Variants in TRHDE observed in about 807,000 individuals in gnomAD.
TRHDE encodes the protein thyrotropin-releasing hormone-degrading ectoenzyme.
TRHDE carries 72 observed loss-of-function variants against 125.7 expected under a neutral mutation model. That is an observed-to-expected ratio of 0.57 (90% CI 0.47 to 0.70). The LOEUF is 0.70. Ranked by LOEUF, TRHDE falls within the 30% of genes least tolerant of loss-of-function variation. The pLI, the probability that TRHDE is intolerant of heterozygous loss-of-function variation, is 0.00. For synonymous variants in TRHDE, 509 were observed against 509.1 expected (o/e 1.00, Z 0.00); for missense variants, 1,110 against 1,327.1 (o/e 0.84, Z 2.54).
At chr12:72,197,450 A>G (rs1877467353) in intron 2 of TRHDE, among the ~76,000 whole-genome samples, 1 of 152,134 alleles carries the variant, frequency 6.6e-6, no homozygotes, top group Non-Finnish European at 1.5e-5. Flanking sequence ...TTTTATGGCT[A>G]TACTTCTTGT....
intron 3 of TRHDE, among the ~76,000 whole-genome samples, chr12:72,407,025 T>G (rs1873294825): frequency 6.6e-6 from 1 of 152,194 alleles, no homozygotes; most frequent in Admixed American, 6.5e-5. Flanking sequence ...AGTCTTGTAC[T>G]CTTCAGCGTG....
intron 6 of TRHDE, among the ~76,000 whole-genome samples, chr12:72,503,610 G>A (rs1178926940): frequency 2.6e-5 from 4 of 152,160 alleles, no homozygotes; most frequent in Non-Finnish European, 4.4e-5. Context: ...GGGTAAATTT[G>A]ATATGTAGTA....
Position 72,378,042 on chromosome 12 carries a change from C to G in TRHDE, c.1236C>G (p.Asp412Glu). The G allele has an allele frequency of 6.2e-7, 1 of 1,606,592 alleles. No homozygotes were observed. The highest frequency in any genetic ancestry group is 8.5e-7 in the Non-Finnish European group (1 of 1,175,490). ...ATGCTATCAGAAGAGGATCCGGGGA[C>G]TATGCTCTCCATATAACAAAGAGAT... The part of the protein sequence containing the change: ...RPDAIRRGSG[D>E]YALHITKRLI... Residue 412 changes from aspartate (D) to glutamate (E), a missense_variant, in exon 3 of 19, where the codon GAC becomes GAG. Asp to Glu is a conservative substitution (Grantham distance 45). Around this residue, in one of 5 missense-constraint regions of TRHDE, gnomAD observed 252 missense variants for 274.8 expected, o/e 0.92. Coordinates refer to ENST00000261180, the MANE Select transcript of TRHDE (RefSeq NM_013381.3).
intron 2 of TRHDE, among the ~76,000 whole-genome samples, chr12:72,317,791 A>G (rs904889928): frequency 6.6e-6 from 1 of 152,166 alleles, no homozygotes; most frequent in African/African-American, 2.4e-5. Flanking sequence ...TGGAATGGGC[A>G]GGGAACATTC....
intron 2 of TRHDE, among the ~76,000 whole-genome samples, chr12:72,348,930 T>G (rs1870455009): frequency 6.6e-6 from 1 of 152,040 alleles, no homozygotes; most frequent in African/African-American, 2.4e-5. Context: ...CAGTAAGATA[T>G]GGTATATGGT....
At chr12:72,247,973 T>C (rs1345237250) in intron 2 of TRHDE, among the ~76,000 whole-genome samples, 4 of 152,296 alleles carry the variant, frequency 2.6e-5, no homozygotes, top group African/African-American at 7.2e-5. Context: ...ATATCTATCA[T>C]TGATCTATTA....
At chr12:72,100,177 C>T (rs1350602151) in intron 1 of TRHDE, among the ~76,000 whole-genome samples, 1 of 152,110 alleles carries the variant, frequency 6.6e-6, no homozygotes, top group Admixed American at 6.5e-5. Context: ...GCTGAATCTC[C>T]TTGTGCCTTA....
intron 12 of TRHDE, among the ~76,000 whole-genome samples, chr12:72,596,057 T>C (rs1160642997): frequency 6.6e-6 from 1 of 152,132 alleles, no homozygotes; most frequent in Non-Finnish European, 1.5e-5. Context: ...TGAGTCCCTT[T>C]TGATGAAGTT....
chr12:72,433,832 C>G (rs1373120778), intron 3 of TRHDE, among the ~76,000 whole-genome samples: 1 of 151,344 alleles, frequency 6.6e-6, no homozygotes, highest in Admixed American at 6.6e-5. Context: ...AAAGAAGGCT[C>G]TTAATCTCTT....
intron 3 of TRHDE, among the ~76,000 whole-genome samples, chr12:72,416,502 T>C (rs1306161015): frequency 6.6e-6 from 1 of 152,020 alleles, no homozygotes; most frequent in Non-Finnish European, 1.5e-5. Flanking sequence ...TTACTTCTAA[T>C]AGTTTCATAG....
At chr12:72,239,902 C>G (rs778801514) in intron 2 of TRHDE, among the ~76,000 whole-genome samples, 1 of 152,108 alleles carries the variant, frequency 6.6e-6, no homozygotes, top group Non-Finnish European at 1.5e-5. Flanking sequence ...TTTGTCTGTC[C>G]TATTTTCAGT....
chr12:72,215,947 G>A (rs930384324), intron 2 of TRHDE, among the ~76,000 whole-genome samples: 1 of 152,164 alleles, frequency 6.6e-6, no homozygotes, highest in African/African-American at 2.4e-5. Context: ...TATAGATTTA[G>A]TTGGAAAAAG....
At chr12:72,330,493 A>G (rs1303337972) in intron 2 of TRHDE, among the ~76,000 whole-genome samples, 2 of 152,140 alleles carry the variant, frequency 1.3e-5, no homozygotes, top group Non-Finnish European at 1.5e-5. Context: ...TCTCACGGCG[A>G]TGGGAGAGCC....
intron 3 of TRHDE, among the ~76,000 whole-genome samples, chr12:72,449,588 C>A (rs1875472553): frequency 6.6e-6 from 1 of 151,868 alleles, no homozygotes; most frequent in Admixed American, 6.6e-5. Context: ...GCTCTGGGTG[C>A]AAATCCCTAC....
intron 2 of TRHDE, among the ~76,000 whole-genome samples, chr12:72,206,459 A>AT (rs1425589072): frequency 2.0e-5 from 3 of 152,130 alleles, no homozygotes; most frequent in Non-Finnish European, 4.4e-5. Context: ...TTCTTCACTA[A>AT]TCATAGAGTA....
intron 5 of TRHDE, among the ~76,000 whole-genome samples, chr12:72,478,902 A>C (rs1443161104): frequency 2.1e-5 from 3 of 141,602 alleles, no homozygotes; most frequent in African/African-American, 8.0e-5. Flanking sequence ...GACTGAATAG[A>C]TATTAATACT....
intron 2 of TRHDE, among the ~76,000 whole-genome samples, chr12:72,176,688 A>G (rs1248075710): frequency 6.6e-6 from 1 of 152,222 alleles, no homozygotes; most frequent in Admixed American, 6.5e-5. Context: ...TGAGTTGTTC[A>G]ATGAAAAGTG....
At chr12:72,423,445 G>T (rs1001726294) in intron 3 of TRHDE, among the ~76,000 whole-genome samples, 3 of 152,128 alleles carry the variant, frequency 2.0e-5, no homozygotes, top group Admixed American at 2.0e-4. Context: ...CATCTCTTAA[G>T]GTGGTGTGGA....
chr12:72,620,975 G>A (rs959104274), intron 13 of TRHDE, 133 bp from the exon 14 acceptor site: 3 of 495,766 alleles, frequency 6.1e-6, no homozygotes, highest in African/African-American at 4.0e-5. Context: ...GAACATTACT[G>A]TACTTATAAT....
Sources: gnomAD v4.1 joint callset for allele counts (sites outside exome capture counted in the v4.1 genomes callset) on GRCh38, gnomAD v4.1.1 for gene constraint, gnomAD v4.1.1 regional missense constraint, MANE v1.5 for transcripts, NCBI Gene and HGNC (gene_info 2026-07-23, HGNC 2026-07-21) for gene names.